Variants in SOX4 observed in about 807,000 individuals in gnomAD.
The protein encoded by SOX4 is transcription factor SOX-4.
For synonymous variants in SOX4, 465 were observed against 348.4 expected, an observed-to-expected ratio of 1.33 and a Z score of -3.73; for missense variants, 662 against 694.9, an observed-to-expected ratio of 0.95 and a Z score of 0.53.
At position 21,593,786 on chromosome 6, in the gene SOX4, G is replaced by T. The variant is rs1763074105; in HGVS notation, c.-749G>T. The T allele has an allele frequency of 6.6e-6, 1 of 152,228 alleles. No individual in the cohort carries two copies. The highest frequency in any genetic ancestry group is 1.5e-5 in the Non-Finnish European group (1 of 68,110). 9.4% of individuals were successfully genotyped at this position (152,228 alleles called of 1,614,324 possible). ...GCAGCAAGAGAAACTGTGTGTGAGG[G>T]GAAGAGGCCTGTTTCGCTGTCGGGT... On this transcript the variant is annotated 5_prime_UTR_variant, in exon 1 of 1. Transcript: ENST00000244745.
Position 21,596,489 on chromosome 6 carries a change from CCT to C in SOX4, c.*531_*532del. ...GGAGAACCCAGCGCACCCCTCCCCC[CCT>C]TTTTTTAAACGCGTGATGAAGACAG... On this transcript the variant is annotated 3_prime_UTR_variant, in exon 1 of 1. Transcript: ENST00000244745. 1 of 167,270 alleles carries C rather than the reference CCT, an allele frequency of 6.0e-6. No individual in the cohort carries two copies. The highest frequency in any genetic ancestry group is 1.5e-5 in the Non-Finnish European group (1 of 68,202). The allele number at this position is 167,270 out of a possible 1,614,324, so 10.4% of individuals were successfully genotyped here. A position where few individuals can be genotyped will look rare whatever the true frequency, so the allele number is the denominator to read the frequency against.
rs1463953369 is a variant in SOX4, at chr6:21,598,367, C to G, written c.*2408C>G. 1 of 167,068 alleles carries G rather than the reference C, an allele frequency of 6.0e-6. No homozygotes were observed. The highest frequency in any genetic ancestry group is 2.4e-5 in the African/African-American group (1 of 41,454). 10.3% of individuals were successfully genotyped at this position (167,068 alleles called of 1,614,324 possible). ...TATAACATGACAGGCACTAGGACGT[C>G]TGCCTTTTTAAGGCAGTTCCGTTAA... On this transcript the variant is annotated 3_prime_UTR_variant, in exon 1 of 1. Coordinates refer to ENST00000244745, the MANE Select transcript of SOX4 (RefSeq NM_003107.3).
chr6:21,596,100 C>T lies in SOX4; in HGVS notation c.*141C>T. ...AAAAAGTAAGCAGGGCTGGCTTCGC[C>T]CGCGTTCTCGTCGTCGGATCAAGGA... On this transcript the variant is annotated 3_prime_UTR_variant, in exon 1 of 1. Coordinates refer to ENST00000244745, the MANE Select transcript of SOX4 (RefSeq NM_003107.3). The T allele has an allele frequency of 7.6e-7, 1 of 1,316,924 alleles. No individual in the cohort carries two copies. The highest frequency in any genetic ancestry group is 9.8e-7 in the Non-Finnish European group (1 of 1,015,366). 81.6% of individuals were successfully genotyped at this position (1,316,924 alleles called of 1,614,324 possible).
At position 21,597,118 on chromosome 6, in the gene SOX4, A is replaced by C. The variant is rs1378453949; in HGVS notation, c.*1159A>C. 2 of 166,566 alleles carry C rather than the reference A, an allele frequency of 1.2e-5. No homozygotes were observed. The highest frequency in any genetic ancestry group is 4.8e-5 in the African/African-American group (2 of 41,426). 10.3% of individuals were successfully genotyped at this position (166,566 alleles called of 1,614,324 possible). ...AGATTTCTGTATAAGACTGTTGAGC[A>C]GTTTTTAAAATAGTGTAGGATAATA... On this transcript the variant is annotated 3_prime_UTR_variant, in exon 1 of 1. Transcript: ENST00000244745.
rs1763218233 is a variant in SOX4 at position 21,598,425 on chromosome 6, C to T, written c.*2466C>T. Reference sequence around the variant, plus strand: ...TGTTTTTAAACTTTTTTTTGCCATCCATCCTGTGCAATATGCCGTGTAGAA... The same window carrying T: ...TGTTTTTAAACTTTTTTTTGCCATCTATCCTGTGCAATATGCCGTGTAGAA... On this transcript the variant is annotated 3_prime_UTR_variant, in exon 1 of 1. Transcript: ENST00000244745. The T allele has an allele frequency of 1.2e-5, 2 of 166,906 alleles. No individual in the cohort carries two copies. Among genetic ancestry groups the T allele is most frequent in the Admixed American group, 1.3e-4 (2 of 15,270 alleles). 10.3% of individuals were successfully genotyped at this position (166,906 alleles called of 1,614,324 possible).
Position 21,593,797 on chromosome 6 carries a change from G to C in SOX4, c.-738G>C, listed in dbSNP as rs1266392620. The C allele has an allele frequency of 2.0e-5, 3 of 152,234 alleles. No homozygotes were observed. The highest frequency in any genetic ancestry group is 7.2e-5 in the African/African-American group (3 of 41,428). 9.4% of individuals were successfully genotyped at this position (152,234 alleles called of 1,614,324 possible). A position where few individuals can be genotyped will look rare whatever the true frequency, so the allele number is the denominator to read the frequency against. ...AACTGTGTGTGAGGGGAAGAGGCCT[G>C]TTTCGCTGTCGGGTCTCTAGTTCTT... On this transcript the variant is annotated 5_prime_UTR_variant, in exon 1 of 1. Transcript: ENST00000244745.
chr6:21,595,688 ACTC>A lies in SOX4; in HGVS notation c.1161_1163del (p.Ser392del), dbSNP rs568195185. On this transcript the variant is annotated inframe_deletion, in exon 1 of 1. Transcript: ENST00000244745. ...CACGCGTCCTCCTCGGCCTCGTCCCACTCCTCCTCTTCCTCCTCCTCGGGCTCC... is the reference window on the plus strand; with the variant it reads ...CACGCGTCCTCCTCGGCCTCGTCCCACTCCTCTTCCTCCTCCTCGGGCTCC... The A allele has an allele frequency of 4.6e-3, 7,341 of 1,586,232 alleles. 27 individuals are homozygous for A. The highest frequency in any genetic ancestry group is 5.8e-3 in the Non-Finnish European group (6,756 of 1,166,990).
Position 21,595,155 on chromosome 6 carries a change from G to T in SOX4, c.621G>T (p.Ala207=), listed in dbSNP as rs1011985402. The change falls in exon 1 of 1, where the codon GCG becomes GCT. Residue 207 remains alanine, a synonymous_variant. Transcript: ENST00000244745. ...GCGGCTCCAAAGTGGCGGGCGGCGC[G>T]GGCGGTGGGGTTAGCAAACCGCACG... ...KSCGSKVAGG[A]GGGVSKPHAK... is the part of the protein sequence containing the mutation. 1 of 1,338,268 alleles carries T rather than the reference G, an allele frequency of 7.5e-7. No individual in the cohort carries two copies. The highest frequency in any genetic ancestry group is 9.5e-7 in the Non-Finnish European group (1 of 1,053,420). The allele number at this position is 1,338,268 out of a possible 1,614,324, so 82.9% of individuals were successfully genotyped here.
At position 21,594,939 on chromosome 6, in the gene SOX4, G is replaced by T; in HGVS notation, c.405G>T (p.Lys135Asn). Reference sequence around the variant, plus strand: ...AGTACCGGCCCAGGAAGAAGGTGAAGTCCGGCAACGCCAACTCCAGCTCCT... The same window carrying T: ...AGTACCGGCCCAGGAAGAAGGTGAATTCCGGCAACGCCAACTCCAGCTCCT... Reference protein sequence around the residue: ...DYKYRPRKKVKSGNANSSSSA... With the variant: ...DYKYRPRKKVNSGNANSSSSA... The change falls in exon 1 of 1, where the codon AAG (lysine) becomes AAT (asparagine). Residue 135 changes from lysine (K) to asparagine (N), a missense_variant. Transcript: ENST00000244745. 6.2e-7 allele frequency: 1 copy of T among 1,611,352 alleles called. No individual in the cohort carries two copies. The highest frequency in any genetic ancestry group is 8.5e-7 in the Non-Finnish European group (1 of 1,178,940).
In SOX4 at chr6:21,594,644, G is replaced by C; in HGVS notation, c.110G>C (p.Gly37Ala). 2 of 1,603,372 alleles carry C rather than the reference G, an allele frequency of 1.2e-6. No homozygotes were observed. Among genetic ancestry groups the C allele is most frequent in the Non-Finnish European group, 8.5e-7 (1 of 1,175,816 alleles). The change falls in exon 1 of 1, where the codon GGC becomes GCC. Residue 37 changes from glycine to alanine, a missense_variant. By Grantham distance (60) the Gly-to-Ala change is moderately conservative. Transcript: ENST00000244745. The part of the protein sequence containing the change: ...ELGIASSPTP[G>A]STASTGGKAD... ...GGAATCGCCTCCTCCCCCACGCCCG[G>C]CTCCACCGCCTCCACGGGCGGCAAG...
Position 21,594,960 on chromosome 6 carries a change from C to T in SOX4, c.426C>T (p.Ser142=). The change falls in exon 1 of 1, where the codon AGC becomes AGT. Residue 142 remains serine (S), a synonymous_variant. Transcript: ENST00000244745. ...TGAAGTCCGGCAACGCCAACTCCAGCTCCTCGGCCGCCGCCTCCTCCAAGC... is the reference window on the plus strand; with the variant it reads ...TGAAGTCCGGCAACGCCAACTCCAGTTCCTCGGCCGCCGCCTCCTCCAAGC... ...KKVKSGNANS[S]SSAAASSKPG... The T allele has an allele frequency of 6.2e-7, 1 of 1,604,352 alleles. No individual in the cohort carries two copies. Among genetic ancestry groups the T allele is most frequent in the Non-Finnish European group, 8.5e-7 (1 of 1,175,422 alleles).
chr6:21,595,066 G>C lies in SOX4; in HGVS notation c.532G>C (p.Gly178Arg), dbSNP rs764307216. The change falls in exon 1 of 1, where the codon GGG becomes CGG. Residue 178 changes from glycine (G) to arginine (R), a missense_variant. Transcript: ENST00000244745. ...CGGCGGCGGCGGGAGCAGCAACGCG[G>C]GGGGAGGAGGCGGCGGTGCGAGTGG... ...GGGGGGSSNA[G>R]GGGGGASGGG... 2.1e-6 allele frequency: 3 copies of C among 1,418,456 alleles called. No homozygotes were observed. Among genetic ancestry groups the C allele is most frequent in the African/African-American group, 1.5e-5 (1 of 65,994 alleles). 87.9% of individuals were successfully genotyped at this position (1,418,456 alleles called of 1,614,324 possible).
chr6:21,597,561 G>T lies in SOX4; in HGVS notation c.*1602G>T. 1 of 88,394 alleles carries T rather than the reference G, an allele frequency of 1.1e-5. No homozygotes were observed. The highest frequency in any genetic ancestry group is 4.0e-4 in the South Asian group (1 of 2,530). The allele number at this position is 88,394 out of a possible 1,614,324, so 5.5% of individuals were successfully genotyped here. A position where few individuals can be genotyped will look rare whatever the true frequency, so the allele number is the denominator to read the frequency against. ...TTTTTTGGTAGTTGTTGTTACCCAC[G>T]CCATTTTACGTCTCCTTCACTGAAG... On this transcript the variant is annotated 3_prime_UTR_variant, in exon 1 of 1. Transcript: ENST00000244745.
chr6:21,596,054 GA>G lies in SOX4; in HGVS notation c.*96del. ...GAAAAGGACAGACGAAGAGTTTAAA[GA>G]GAAAAGGGAAAAAAGAAAGAAAAAG... On this transcript the variant is annotated 3_prime_UTR_variant, in exon 1 of 1. Transcript: ENST00000244745. The G allele has an allele frequency of 7.2e-7, 1 of 1,388,638 alleles. No individual in the cohort carries two copies. The highest frequency in any genetic ancestry group is 1.7e-5 in the South Asian group (1 of 58,846). The allele number at this position is 1,388,638 out of a possible 1,614,324, so 86.0% of individuals were successfully genotyped here.
chr6:21,594,774 G>C lies in SOX4; in HGVS notation c.240G>C (p.Gln80His), dbSNP rs1196260476. ...SQIERRKIME[Q>H]SPDMHNAEIS... ...TCGAGCGGCGCAAGATCATGGAGCA[G>C]TCGCCCGACATGCACAACGCCGAGA... is the stretch of plus-strand genomic sequence containing the variant. Residue 80 changes from glutamine (Q) to histidine (H), a missense_variant, in exon 1 of 1, where the codon CAG becomes CAC. By Grantham distance (24) the Gln-to-His change is conservative (BLOSUM62 0). Coordinates refer to ENST00000244745, the MANE Select transcript of SOX4 (RefSeq NM_003107.3). The C allele has an allele frequency of 6.2e-7, 1 of 1,602,466 alleles. No homozygotes were observed. Among genetic ancestry groups the C allele is most frequent in the Non-Finnish European group, 8.5e-7 (1 of 1,174,844 alleles).
Position 21,594,278 on chromosome 6 carries a change from A to G in SOX4, c.-257A>G, listed in dbSNP as rs547749582. ...CTGCAGCGCGGTGAGAGAGCGAGAGAGAGGGAGAGAGAGACTCTCCAGCCT... is the reference window on the plus strand; with the variant it reads ...CTGCAGCGCGGTGAGAGAGCGAGAGGGAGGGAGAGAGAGACTCTCCAGCCT... On this transcript the variant is annotated 5_prime_UTR_variant, in exon 1 of 1. Transcript: ENST00000244745. The G allele has an allele frequency of 2.4e-5, 9 of 378,832 alleles. No individual in the cohort carries two copies. In the South Asian group the frequency reaches 9.0e-4, roughly 38 times the overall value. 23.5% of individuals were successfully genotyped at this position (378,832 alleles called of 1,614,324 possible).
Position 21,594,636 on chromosome 6 carries a change from C to T in SOX4, c.102C>T (p.Pro34=). 2 of 1,604,864 alleles carry T rather than the reference C, an allele frequency of 1.2e-6. No homozygotes were observed. Among genetic ancestry groups the T allele is most frequent in the South Asian group, 1.1e-5 (1 of 89,898 alleles). The change falls in exon 1 of 1, where the codon CCC becomes CCT. Residue 34 remains proline (P), a synonymous_variant. Transcript: ENST00000244745. ...TCGAGCTGGGAATCGCCTCCTCCCC[C>T]ACGCCCGGCTCCACCGCCTCCACGG... ...AGLELGIASS[P]TPGSTASTGG...
chr6:21,594,498 G>T lies in SOX4; in HGVS notation c.-37G>T. 7.1e-7 allele frequency: 1 copy of T among 1,414,736 alleles called. No homozygotes were observed. 87.6% of individuals were successfully genotyped at this position (1,414,736 alleles called of 1,614,324 possible). On this transcript the variant is annotated 5_prime_UTR_variant, in exon 1 of 1. Coordinates refer to ENST00000244745, the MANE Select transcript of SOX4 (RefSeq NM_003107.3). Reference sequence around the variant, plus strand: ...GCGATCGCGCGGCGGCCGCCGCGAGGGTGTGAGCGCGCGTGGGCGCCCGCC... The same window carrying T: ...GCGATCGCGCGGCGGCCGCCGCGAGTGTGTGAGCGCGCGTGGGCGCCCGCC...
chr6:21,594,616 C>T lies in SOX4; in HGVS notation c.82C>T (p.Leu28=). 6.2e-7 allele frequency: 1 copy of T among 1,608,164 alleles called. No homozygotes were observed. Among genetic ancestry groups the T allele is most frequent in the Non-Finnish European group, 8.5e-7 (1 of 1,178,202 alleles). ...ESSDSGAGLE[L]GIASSPTPGS... The stretch of plus-strand genomic sequence containing the variant: ...CTCGGACTCGGGCGCCGGCCTCGAG[C>T]TGGGAATCGCCTCCTCCCCCACGCC... The change falls in exon 1 of 1, where the codon CTG becomes TTG. Residue 28 remains leucine (L), a synonymous_variant. Coordinates refer to ENST00000244745, the MANE Select transcript of SOX4 (RefSeq NM_003107.3).
Sources: allele counts gnomAD v4.1 joint callset, GRCh38; gene constraint gnomAD v4.1.1; transcripts MANE v1.5; gene names NCBI Gene and HGNC (gene_info 2026-07-23, HGNC 2026-07-21).